MYO16: variants seen among roughly 807,000 people sequenced by gnomAD.
MYO16 encodes the protein myosin XVI.
MYO16 carries 94 observed loss-of-function variants against 205.3 expected under a neutral mutation model. The ratio of observed to expected loss-of-function variants is 0.46; its 90% confidence interval spans 0.39 to 0.54. The LOEUF (loss-of-function observed/expected upper bound fraction) is 0.54. MYO16 is among the 20% of genes least tolerant of loss of function. The pLI is 0.00. For synonymous variants in MYO16, 988 were observed against 954.0 expected (o/e 1.04, Z -0.66); for missense variants, 2,315 against 2,387.5 (o/e 0.97, Z 0.63).
chr13:108,938,103 T>C (rs1481246140), intron 16 of MYO16, among the ~76,000 whole-genome samples: 1 of 152,180 alleles, frequency 6.6e-6, no homozygotes, highest in East Asian at 1.9e-4. Context: ...TATTATTGTG[T>C]TTTCTTTTCC....
chr13:108,640,483 A>T (rs1039151879), intron 1 of MYO16, among the ~76,000 whole-genome samples: 1 of 152,210 alleles, frequency 6.6e-6, no homozygotes, highest in Non-Finnish European at 1.5e-5. Flanking sequence ...CAGTTGGTGG[A>T]GGAGGTTGTG....
intron 4 of MYO16, among the ~76,000 whole-genome samples, chr13:108,773,745 G>T (rs954082193): frequency 6.6e-6 from 1 of 151,942 alleles, no homozygotes; most frequent in Non-Finnish European, 1.5e-5. Flanking sequence ...GGTACATAGG[G>T]GTTCTTTGCA....
At chr13:108,994,061 TAAGTTA>T (rs1884925792) in intron 21 of MYO16, among the ~76,000 whole-genome samples, 1 of 152,208 alleles carries the variant, frequency 6.6e-6, no homozygotes, top group African/African-American at 2.4e-5. Flanking sequence ...GCAAAACTTT[TAAGTTA>T]TTTTCTTACT....
the MYO16 span, among the ~76,000 whole-genome samples, chr13:108,536,502 T>C: frequency 6.6e-6 from 1 of 152,006 alleles, no homozygotes; most frequent in African/African-American, 2.4e-5. Flanking sequence ...ATTTTAACAA[T>C]AACAGTAACA....
intron 7 of MYO16, among the ~76,000 whole-genome samples, chr13:108,817,236 A>G (rs1258446131): frequency 6.6e-6 from 1 of 152,202 alleles, no homozygotes; most frequent in Non-Finnish European, 1.5e-5. Flanking sequence ...GAAATGACAT[A>G]TGTCTATAGT....
At chr13:108,835,297 C>A (rs1328021546) in intron 9 of MYO16, among the ~76,000 whole-genome samples, 2 of 152,166 alleles carry the variant, frequency 1.3e-5, no homozygotes, top group Non-Finnish European at 2.9e-5. Context: ...AAGCATCTGG[C>A]ATTTCCCCCT....
the MYO16 span, among the ~76,000 whole-genome samples, chr13:108,561,435 T>C: frequency 6.6e-6 from 1 of 152,230 alleles, no homozygotes; most frequent in Non-Finnish European, 1.5e-5. Context: ...TAAATGGAAC[T>C]CTCTAAACTG....
At chr13:108,775,255 T>A (rs1402487125) in intron 4 of MYO16, among the ~76,000 whole-genome samples, 1 of 152,218 alleles carries the variant, frequency 6.6e-6, no homozygotes, top group Non-Finnish European at 1.5e-5. Flanking sequence ...TCAGTTTTTT[T>A]ATTCACAGCT....
chr13:109,183,932 T>A (rs1879564189), intron 34 of MYO16, among the ~76,000 whole-genome samples: 1 of 152,218 alleles, frequency 6.6e-6, no homozygotes, highest in African/African-American at 2.4e-5. Flanking sequence ...TACTGAATGA[T>A]CAAATAAACC....
the MYO16 span, among the ~76,000 whole-genome samples, chr13:108,506,906 A>C: frequency 2.0e-5 from 3 of 151,934 alleles, no homozygotes; most frequent in African/African-American, 7.2e-5. Flanking sequence ...AATATGTTGA[A>C]TTTTGCCAAA....
chr13:108,912,276 G>C (rs1414986618), intron 16 of MYO16, among the ~76,000 whole-genome samples: 1 of 152,140 alleles, frequency 6.6e-6, no homozygotes, highest in Non-Finnish European at 1.5e-5. Flanking sequence ...AAGACATCCA[G>C]GGCTATGGAT....
the MYO16 span, among the ~76,000 whole-genome samples, chr13:108,504,849 A>G: frequency 6.6e-6 from 1 of 152,016 alleles, no homozygotes; most frequent in Non-Finnish European, 1.5e-5. Flanking sequence ...ACCACATTCT[A>G]TTTGCTGTTT....
At chr13:108,691,331 C>T (rs894795939) in intron 2 of MYO16, among the ~76,000 whole-genome samples, 3 of 151,618 alleles carry the variant, frequency 2.0e-5, no homozygotes, top group South Asian at 4.2e-4. Context: ...TTTTAAATAA[C>T]GGAAGGAAAC....
chr13:109,137,948 TA>T (rs1355078562), intron 31 of MYO16, among the ~76,000 whole-genome samples: 2 of 152,200 alleles, frequency 1.3e-5, no homozygotes, highest in Non-Finnish European at 2.9e-5. Flanking sequence ...CATTCTAACA[TA>T]CTGTAGAACT....
At chr13:108,509,992 G>A in the MYO16 span, among the ~76,000 whole-genome samples, 616 of 152,306 alleles carry the variant, frequency 4.0e-3, 2 homozygotes, top group African/African-American at 0.014. Flanking sequence ...AGTGAGAAGA[G>A]CAAGGGGCTA....
At chr13:109,185,331 G>T (rs1194931204) in intron 34 of MYO16, among the ~76,000 whole-genome samples, 1 of 152,052 alleles carries the variant, frequency 6.6e-6, no homozygotes, top group Non-Finnish European at 1.5e-5. Flanking sequence ...AAGTAATTTT[G>T]GGGGTCAATT....
At chr13:109,043,648 T>G (rs967743880) in intron 23 of MYO16, among the ~76,000 whole-genome samples, 1 of 152,134 alleles carries the variant, frequency 6.6e-6, no homozygotes, top group African/African-American at 2.4e-5. Context: ...TAAGTGATGG[T>G]TTTTACTAGT....
At chr13:108,545,814 A>G in the MYO16 span, among the ~76,000 whole-genome samples, 1 of 152,182 alleles carries the variant, frequency 6.6e-6, no homozygotes, top group African/African-American at 2.4e-5. Flanking sequence ...AGACCTTGGC[A>G]TGTTGGAGTC....
At chr13:108,608,608 T>C (rs1038368961) in intron 1 of MYO16, among the ~76,000 whole-genome samples, 3 of 151,838 alleles carry the variant, frequency 2.0e-5, no homozygotes, top group Admixed American at 1.3e-4. Flanking sequence ...AATACATATA[T>C]ATCAGTGCAG....
Sources: gnomAD v4.1 joint callset for allele counts (sites outside exome capture counted in the v4.1 genomes callset) on GRCh38, gnomAD v4.1.1 for gene constraint, MANE v1.5 for transcripts, NCBI Gene and HGNC (gene_info 2026-07-23, HGNC 2026-07-21) for gene names.